The following CAPN2 variants were observed in gnomAD, a reference collection of about 807,000 sequenced individuals.
The protein encoded by CAPN2 is calpain-2 catalytic subunit.
Under a neutral mutation model 102.3 loss-of-function variants are expected in CAPN2, and 92 were observed. The observed-to-expected ratio is 0.90, with a 90% CI of 0.76 to 1.07. The LOEUF (loss-of-function observed/expected upper bound fraction) is 1.07. Ranked by LOEUF, CAPN2 falls within the 50% of genes least tolerant of loss-of-function variation. The probability of loss-of-function intolerance (pLI) is 0.00; values close to 1 mark genes in which losing one functional copy is unlikely to be tolerated. For missense variants in CAPN2, 800 were observed against 909.4 expected, an observed-to-expected ratio of 0.88 and a Z score of 1.55; for synonymous variants, 340 against 355.4, an observed-to-expected ratio of 0.96 and a Z score of 0.49.
chr1:223,750,997 G>A (rs564389769), intron 7 of CAPN2, 22 bp downstream of exon 7: 2 of 1,547,020 alleles, frequency 1.3e-6, no homozygotes, highest in East Asian at 2.4e-5. Context: ...GCAGGCCTCG[G>A]GGCCCCAGGC....
chr1:223,752,959 A>C lies in CAPN2; in HGVS notation c.1135+3A>C. On this transcript the variant is annotated splice_donor_region_variant and intron_variant, in intron 9 of 20. Transcript: ENST00000295006. ...GGGAGGTTGCAGGAACTACCCGAGT[A>C]AGGGCTGTTGCATATAAGGGCTGTT... 6.2e-7 allele frequency: 1 copy of C among 1,613,884 alleles called. No individual in the cohort carries two copies. Among genetic ancestry groups the C allele is most frequent in the South Asian group, 1.1e-5 (1 of 91,070 alleles).
chr1:223,761,093 T>G (rs1406850414), intron 12 of CAPN2, among the ~76,000 whole-genome samples: 1 of 152,190 alleles, frequency 6.6e-6, no homozygotes, highest in Non-Finnish European at 1.5e-5. Context: ...GCAGAACAAG[T>G]AGGCGATGAT....
intron 1 of CAPN2, 24 bp from the exon 2 acceptor site, chr1:223,717,738 G>GC (rs778339239): frequency 3.1e-6 from 5 of 1,608,288 alleles, no homozygotes; most frequent in Non-Finnish European, 4.3e-6. Flanking sequence ...TAGGCTAACA[G>GC]CACTTTGTGG....
At chr1:223,749,197 C>T (rs1276772610) in intron 6 of CAPN2, 75 bp downstream of exon 6, 1 of 1,332,488 alleles carries the variant, frequency 7.5e-7, no homozygotes, top group Non-Finnish European at 1.1e-6. Context: ...GTGGTGATGC[C>T]CAGGGGCCCG....
At chr1:223,762,381 A>G (rs1442632500) in intron 14 of CAPN2, 130 bp downstream of exon 14, 4 of 729,382 alleles carry the variant, frequency 5.5e-6, no homozygotes, top group Non-Finnish European at 9.4e-6. Context: ...GAAATTGCAA[A>G]TGGCACTTGG....
chr1:223,764,249 C>T, intron 15 of CAPN2, 42 bp downstream of exon 15: 2 of 1,535,834 alleles, frequency 1.3e-6, no homozygotes, highest in South Asian at 2.2e-5. Context: ...TGCTCTTTCC[C>T]CTGTGGATGG....
chr1:223,733,272 G>A (rs2102786674), intron 2 of CAPN2, among the ~76,000 whole-genome samples: 1 of 152,194 alleles, frequency 6.6e-6, no homozygotes, highest in South Asian at 2.1e-4. Context: ...GTAGCGGAAG[G>A]GAAAGAAGGA....
rs1661589793 is a variant in CAPN2 at position 223,775,300 on chromosome 1, C to G, written c.*443C>G. ...CAAGTTTAAAATGCAGCTGTTGATT[C>G]TACCAAACAACAGTCCAAGATTACC... On this transcript the variant is annotated 3_prime_UTR_variant, in exon 21 of 21. Coordinates refer to ENST00000295006, the MANE Select transcript of CAPN2 (RefSeq NM_001748.5). The G allele has an allele frequency of 6.0e-6, 1 of 167,956 alleles. No individual in the cohort carries two copies. 10.4% of individuals were successfully genotyped at this position (167,956 alleles called of 1,614,324 possible).
At chr1:223,702,105 A>AGAAGGAAGGAAG (rs372361537) in intron 1 of CAPN2, among the ~76,000 whole-genome samples, 1,492 of 84,382 alleles carry the variant, frequency 0.018, 24 homozygotes, top group African/African-American at 0.027. Context: ...AAAGAAGGAA[A>AGAAGGAAGGAAG]GAAGGAAGGA....
intron 2 of CAPN2, among the ~76,000 whole-genome samples, chr1:223,741,206 A>G (rs1660601550): frequency 6.6e-6 from 1 of 151,994 alleles, no homozygotes; most frequent in African/African-American, 2.4e-5. Flanking sequence ...AAAGGAAAGA[A>G]GTCAGTTGGG....
Position 223,759,370 on chromosome 1 carries a change from A to G in CAPN2, c.1418A>G (p.Asn473Ser), listed in dbSNP as rs1194586307. The G allele has an allele frequency of 1.2e-5, 19 of 1,614,210 alleles. No individual in the cohort carries two copies. The highest frequency in any genetic ancestry group is 4.4e-5 in the South Asian group (4 of 91,084). ...DTFINLREVL[N>S]RFKLPPGEYI... ...TTCATCAACCTCCGGGAGGTGCTCAACCGCTTCAAGCTGCCGCCAGGAGAG... is the reference window on the plus strand; with the variant it reads ...TTCATCAACCTCCGGGAGGTGCTCAGCCGCTTCAAGCTGCCGCCAGGAGAG... Residue 473 changes from asparagine to serine, a missense_variant, in exon 12 of 21, where the codon AAC becomes AGC. Transcript: ENST00000295006. The surrounding 1 kb of genome is among the most constrained non-coding windows in gnomAD (Gnocchi z 4.6).
upstream of CAPN2, among the ~76,000 whole-genome samples, chr1:223,709,302 A>G (rs1464894291): frequency 1.3e-5 from 2 of 152,208 alleles, no homozygotes; most frequent in South Asian, 4.1e-4. Flanking sequence ...TAGTGACAAA[A>G]ATACTTGCTT....
In CAPN2 at chr1:223,772,098, A is replaced by C. The variant is rs114244681; in HGVS notation, c.2021-83A>C. On this transcript the variant is annotated intron_variant, in intron 19 of 20. Transcript: ENST00000295006. The stretch of plus-strand genomic sequence containing the variant: ...AGAAAGCATGTATGGTGGTCAGTGA[A>C]GTCAGTTGCTGAACTGAAAAGAGGA... The C allele has an allele frequency of 6.1e-6, 8 of 1,313,372 alleles. No individual in the cohort carries two copies. In the African/African-American group the frequency reaches 1.2e-4, roughly 19 times the overall value. The allele number at this position is 1,313,372 out of a possible 1,614,324, so 81.4% of individuals were successfully genotyped here.
chr1:223,703,743 T>C (rs115335081), intron 1 of CAPN2, among the ~76,000 whole-genome samples: 1,584 of 152,362 alleles, frequency 0.01, 22 homozygotes, highest in African/African-American at 0.036. Context: ...GTCTCTTGCA[T>C]GTCTAACTTC....
chr1:223,743,015 C>A (rs1660662202), intron 2 of CAPN2, among the ~76,000 whole-genome samples: 1 of 152,178 alleles, frequency 6.6e-6, no homozygotes. Context: ...GAAGATGACC[C>A]CTCCCTGCAA....
chr1:223,701,973 C>T (rs1470702172), intron 1 of CAPN2: 1 of 133,176 alleles, frequency 7.5e-6, no homozygotes, highest in African/African-American at 2.8e-5. Context: ...TGTCACTGCA[C>T]TCCATTCTGG....
At chr1:223,751,774 C>A (rs1005143901) in intron 7 of CAPN2, among the ~76,000 whole-genome samples, 1 of 152,232 alleles carries the variant, frequency 6.6e-6, no homozygotes, top group East Asian at 1.9e-4. Context: ...GCACAACTCA[C>A]CCGCTCACTT....
At chr1:223,737,031 C>T (rs1351567917) in intron 2 of CAPN2, among the ~76,000 whole-genome samples, 1 of 151,490 alleles carries the variant, frequency 6.6e-6, no homozygotes, top group African/African-American at 2.4e-5. Context: ...AGAGTGAGAA[C>T]CTGTCTCAAA....
rs1473193711 is a variant in CAPN2, at chr1:223,725,147, G to C, written c.307+7316G>C. 6.6e-6 allele frequency among the ~76,000 whole-genome samples: 1 copy of C among 152,146 alleles called. No individual in the cohort carries two copies. Among genetic ancestry groups the C allele is most frequent in the Non-Finnish European group, 1.5e-5 (1 of 68,030 alleles). ...TCAGTTTCCTCATCCGTGAAATGAA[G>C]ATAATAATAGTGCCTACTATCAAGA... On this transcript the variant is annotated intron_variant, in intron 2 of 20. Coordinates refer to ENST00000295006, the MANE Select transcript of CAPN2 (RefSeq NM_001748.5). This position sits in a 1 kb window ranked among gnomAD's most constrained non-coding sequence, Gnocchi z 4.1.
Sources: allele counts gnomAD v4.1 joint callset (sites outside exome capture counted in the v4.1 genomes callset), GRCh38; gene constraint gnomAD v4.1.1; non-coding constraint Gnocchi (gnomAD v3.1); transcripts MANE v1.5; gene names NCBI Gene and HGNC (gene_info 2026-07-23, HGNC 2026-07-21).